The following C5orf24 variants were observed in gnomAD, a reference collection of about 807,000 sequenced individuals.
C5orf24 encodes the protein UPF0461 protein C5orf24.
In C5orf24, 4 loss-of-function variants were observed where a neutral mutation model predicts 9.8. The observed-to-expected ratio is 0.41, with a 90% CI of 0.20 to 0.93. C5orf24 has a LOEUF of 0.93. C5orf24 is among the 40% of genes least tolerant of loss of function. C5orf24 has a pLI of 0.33. For missense variants in C5orf24, 170 were observed against 236.9 expected (o/e 0.72, Z 1.85); for synonymous variants, 73 against 81.3 (o/e 0.90, Z 0.55).
rs1161663748 is a variant in C5orf24 at position 134,855,590 on chromosome 5, GT to G, written c.*130del. 2.0e-5 allele frequency: 30 copies of G among 1,500,320 alleles called. No homozygotes were observed. Among genetic ancestry groups the G allele is most frequent in the Non-Finnish European group, 2.6e-5 (29 of 1,130,404 alleles). The allele number at this position is 1,500,320 out of a possible 1,614,324, so 92.9% of individuals were successfully genotyped here. On this transcript the variant is annotated 3_prime_UTR_variant, in exon 2 of 2. Coordinates refer to ENST00000394976, the MANE Select transcript of C5orf24 (RefSeq NM_001135586.1). ...CTTTCCAAATTTGTTTTCCTGTTTG[GT>G]TTTTTTCCTGCTTTTGCTCAAAAAC...
In C5orf24 at chr5:134,856,097, G is replaced by C; in HGVS notation, c.*630G>C. On this transcript the variant is annotated 3_prime_UTR_variant, in exon 2 of 2. Transcript: ENST00000394976. ...ATTATACCTGAAATAATTCTTCAGT[G>C]TTTGCCTTTGAGCAGTGATAGGTTG... is the stretch of plus-strand genomic sequence containing the variant. The C allele has an allele frequency of 1.0e-6, 1 of 1,000,504 alleles. No individual in the cohort carries two copies. Among genetic ancestry groups the C allele is most frequent in the Non-Finnish European group, 1.2e-6 (1 of 830,214 alleles). The allele number at this position is 1,000,504 out of a possible 1,614,324, so 62.0% of individuals were successfully genotyped here.
At position 134,857,181 on chromosome 5, in the gene C5orf24, A is replaced by G. The variant is rs1756337248; in HGVS notation, c.*1714A>G. 1 of 1,312,668 alleles carries G rather than the reference A, an allele frequency of 7.6e-7. No homozygotes were observed. Among genetic ancestry groups the G allele is most frequent in the Non-Finnish European group, 9.8e-7 (1 of 1,021,870 alleles). 81.3% of individuals were successfully genotyped at this position (1,312,668 alleles called of 1,614,324 possible). On this transcript the variant is annotated 3_prime_UTR_variant, in exon 2 of 2. Transcript: ENST00000394976. ...AAAAATTCCACTTAACTTTAAAGTT[A>G]CAATGTTTGTATTTGGGATTTTAAA...
the C5orf24 span, among the ~76,000 whole-genome samples, chr5:134,835,977 G>A: frequency 2.7e-4 from 41 of 151,788 alleles, no homozygotes; most frequent in Admixed American, 8.5e-4. Flanking sequence ...ATGAGCCACC[G>A]CACCTGGATT....
At chr5:134,853,750 G>A (rs1438816855) in intron 1 of C5orf24, among the ~76,000 whole-genome samples, 1 of 152,014 alleles carries the variant, frequency 6.6e-6, no homozygotes, top group African/African-American at 2.4e-5. Flanking sequence ...AAGCAATGTT[G>A]TACATTCAAC....
At position 134,855,827 on chromosome 5, in the gene C5orf24, C is replaced by T. The variant is rs2150176877; in HGVS notation, c.*360C>T. On this transcript the variant is annotated 3_prime_UTR_variant, in exon 2 of 2. Coordinates refer to ENST00000394976, the MANE Select transcript of C5orf24 (RefSeq NM_001135586.1). The stretch of plus-strand genomic sequence containing the variant: ...TATACCTATTAGTTTGTGAAGTAAG[C>T]CTACAGTATAATAAAGACACTAACG... 1 of 1,097,570 alleles carries T rather than the reference C, an allele frequency of 9.1e-7. No individual in the cohort carries two copies. The highest frequency in any genetic ancestry group is 1.1e-6 in the Non-Finnish European group (1 of 892,380). 68.0% of individuals were successfully genotyped at this position (1,097,570 alleles called of 1,614,324 possible). A position where few individuals can be genotyped will look rare whatever the true frequency, so the allele number is the denominator to read the frequency against.
At chr5:134,854,702 G>C (rs182399627) in intron 1 of C5orf24, among the ~76,000 whole-genome samples, 196 bp from the exon 2 acceptor site, 1 of 152,308 alleles carries the variant, frequency 6.6e-6, no homozygotes, top group African/African-American at 2.4e-5. Context: ...TTTGTCCCAT[G>C]ATTAAATTGA....
At chr5:134,838,314 T>G in the C5orf24 span, among the ~76,000 whole-genome samples, 1 of 152,198 alleles carries the variant, frequency 6.6e-6, no homozygotes, top group Admixed American at 6.5e-5. Flanking sequence ...CAAATTGTAT[T>G]TCAAGGATGT....
rs1037210275 is a variant in C5orf24, at chr5:134,858,385, A to T, written c.*2918A>T. Reference sequence around the variant, plus strand: ...ATAAACTAAAGACTACATTGTGCATATTTTGTTAACACTGTCTCTTGTTAT... The same window carrying T: ...ATAAACTAAAGACTACATTGTGCATTTTTTGTTAACACTGTCTCTTGTTAT... On this transcript the variant is annotated 3_prime_UTR_variant, in exon 2 of 2. Coordinates refer to ENST00000394976, the MANE Select transcript of C5orf24 (RefSeq NM_001135586.1). The T allele has an allele frequency of 4.2e-5, 7 of 166,988 alleles. No homozygotes were observed. The Admixed American group carries it at 4.6e-4, about 11-fold the overall frequency. The allele number at this position is 166,988 out of a possible 1,614,324, so 10.3% of individuals were successfully genotyped here.
At chr5:134,837,975 G>T in the C5orf24 span, among the ~76,000 whole-genome samples, 2 of 152,134 alleles carry the variant, frequency 1.3e-5, no homozygotes, top group African/African-American at 2.4e-5. Context: ...GGTTGGGTGT[G>T]GTTGCTCACA....
At chr5:134,852,022 C>T (rs762717330) in intron 1 of C5orf24, among the ~76,000 whole-genome samples, 1 of 152,230 alleles carries the variant, frequency 6.6e-6, no homozygotes, top group Non-Finnish European at 1.5e-5. Context: ...CTCACTGCAA[C>T]CTCTGCCTCC....
upstream of C5orf24, among the ~76,000 whole-genome samples, chr5:134,843,571 A>G (rs1755931199): frequency 1.3e-5 from 2 of 151,354 alleles, no homozygotes; most frequent in South Asian, 2.1e-4. Context: ...AAGCTGAGTT[A>G]TTTTTGAGAC....
In C5orf24 at chr5:134,850,943, C is replaced by G. The variant is rs568639799; in HGVS notation, c.-3-3955C>G. ...TCATATATATATATATATATACACA[C>G]ACACACACACACTACACACACATAC... On this transcript the variant is annotated intron_variant, in intron 1 of 1. Transcript: ENST00000394976. Among the ~76,000 whole-genome samples the G allele has an allele frequency of 8.4e-3, 1,244 of 147,876 alleles. 23 individuals are homozygous for G. Among genetic ancestry groups the G allele is most frequent in the African/African-American group, 0.03 (1,175 of 39,020 alleles).
At position 134,854,464 on chromosome 5, in the gene C5orf24, A is replaced by G. The variant is rs76819175; in HGVS notation, c.-3-434A>G. 8.4e-3 allele frequency among the ~76,000 whole-genome samples: 1,276 copies of G among 152,372 alleles called. 18 individuals are homozygous for G. The highest frequency in any genetic ancestry group is 0.028 in the African/African-American group (1,163 of 41,590). ...CAGAAGTATGCATGTGAGAAATACA[A>G]TAAAAGGCCAACAGGAGGCATTCTA... On this transcript the variant is annotated intron_variant, in intron 1 of 1. Coordinates refer to ENST00000394976, the MANE Select transcript of C5orf24 (RefSeq NM_001135586.1).
Position 134,855,768 on chromosome 5 carries a change from A to G in C5orf24, c.*301A>G, listed in dbSNP as rs1375714735. 2.4e-6 allele frequency: 3 copies of G among 1,240,996 alleles called. No individual in the cohort carries two copies. The highest frequency in any genetic ancestry group is 3.1e-6 in the Non-Finnish European group (3 of 979,138). The allele number at this position is 1,240,996 out of a possible 1,614,324, so 76.9% of individuals were successfully genotyped here. On this transcript the variant is annotated 3_prime_UTR_variant, in exon 2 of 2. Coordinates refer to ENST00000394976, the MANE Select transcript of C5orf24 (RefSeq NM_001135586.1). ...CATTACTACTTTGGGGCTGTTCTAA[A>G]TAGATGCTTTATGTGATAAACAACT... is the stretch of plus-strand genomic sequence containing the variant.
intron 1 of C5orf24, among the ~76,000 whole-genome samples, chr5:134,853,528 C>CTTTTTTTTTTT (rs773207000): frequency 8.1e-4 from 84 of 104,230 alleles, no homozygotes; most frequent in East Asian, 2.3e-3. Context: ...TCTTCTTCTT[C>CTTTTTTTTTTT]TTTTTTTTTT....
Position 134,858,854 on chromosome 5 carries a change from AT to A in C5orf24, c.*3391del, listed in dbSNP as rs1756376775. The stretch of plus-strand genomic sequence containing the variant: ...GGTTTAATTTTTAATATTTAGGGAC[AT>A]TTTAAAAAATCAATGTTTTAATTAG... On this transcript the variant is annotated 3_prime_UTR_variant, in exon 2 of 2. Transcript: ENST00000394976. 1 of 166,410 alleles carries A rather than the reference AT, an allele frequency of 6.0e-6. No homozygotes were observed. The highest frequency in any genetic ancestry group is 2.4e-5 in the African/African-American group (1 of 41,464). 10.3% of individuals were successfully genotyped at this position (166,410 alleles called of 1,614,324 possible). A position where few individuals can be genotyped will look rare whatever the true frequency, so the allele number is the denominator to read the frequency against.
upstream of C5orf24, among the ~76,000 whole-genome samples, chr5:134,842,691 A>G (rs1185650248): frequency 6.6e-6 from 1 of 152,118 alleles, no homozygotes; most frequent in African/African-American, 2.4e-5. Context: ...ATCTCCTTCT[A>G]AAGAGAGCTG....
upstream of C5orf24, among the ~76,000 whole-genome samples, chr5:134,842,700 T>G (rs904483202): frequency 6.6e-6 from 1 of 152,162 alleles, no homozygotes; most frequent in Non-Finnish European, 1.5e-5. Flanking sequence ...TAAAGAGAGC[T>G]GGCTGGAGAT....
rs114887018 is a variant in C5orf24 at position 134,857,633 on chromosome 5, A to G, written c.*2166A>G. The G allele has an allele frequency of 1.1e-3, 459 of 427,124 alleles. 3 individuals are homozygous for G. Among genetic ancestry groups the G allele is most frequent in the Middle Eastern group, 3.1e-3 (6 of 1,928 alleles). 26.5% of individuals were successfully genotyped at this position (427,124 alleles called of 1,614,324 possible). A position where few individuals can be genotyped will look rare whatever the true frequency, so the allele number is the denominator to read the frequency against. The stretch of plus-strand genomic sequence containing the variant: ...CAAGATTTTTAATAATTTACTCAGA[A>G]CAGTATAACTTCTGACACACACAAA... On this transcript the variant is annotated 3_prime_UTR_variant, in exon 2 of 2. Coordinates refer to ENST00000394976, the MANE Select transcript of C5orf24 (RefSeq NM_001135586.1).
Sources: gnomAD v4.1 joint callset for allele counts (sites outside exome capture counted in the v4.1 genomes callset) on GRCh38, gnomAD v4.1.1 for gene constraint, MANE v1.5 for transcripts, NCBI Gene and HGNC (gene_info 2026-07-23, HGNC 2026-07-21) for gene names.